ZSCAN1: variants seen among roughly 807,000 people sequenced by gnomAD.
ZSCAN1 encodes the protein zinc finger and SCAN domain-containing protein 1.
ZSCAN1 carries 23 observed loss-of-function variants against 23.8 expected under a neutral mutation model. The ratio of observed to expected loss-of-function variants is 0.97; its 90% CI spans 0.70 to 1.37. ZSCAN1 has a LOEUF of 1.37. ZSCAN1 is among the 40% of genes most tolerant of loss of function. ZSCAN1 has a pLI of 0.00. For missense variants in ZSCAN1, 575 were observed against 554.0 expected (o/e 1.04, Z -0.38); for synonymous variants, 236 against 232.3 (o/e 1.02, Z -0.15).
At chr19:58,046,673 C>T in intron 4 of ZSCAN1, 2 of 879,774 alleles carry the variant, frequency 2.3e-6, no homozygotes, top group South Asian at 1.3e-5. Context: ...CACGTCTCCA[C>T]CAGTCAGGTG....
At chr19:58,050,645 C>T (rs1039363266) in intron 4 of ZSCAN1, among the ~76,000 whole-genome samples, 9 of 151,464 alleles carry the variant, frequency 5.9e-5, no homozygotes, top group East Asian at 2.0e-4. Context: ...CTCAGCCTCC[C>T]GAGTAGCTGG....
At chr19:58,039,562 T>A (rs1380318106) in intron 3 of ZSCAN1, among the ~76,000 whole-genome samples, 1 of 151,286 alleles carries the variant, frequency 6.6e-6, no homozygotes, top group East Asian at 1.9e-4. Context: ...AAGGCAGGAG[T>A]TCGAGACTAG....
In ZSCAN1 at chr19:58,045,721, G is replaced by T. The variant is rs1012023378; in HGVS notation, c.465+5177G>T. 1 of 1,076,922 alleles carries T rather than the reference G, an allele frequency of 9.3e-7. No individual in the cohort carries two copies. The highest frequency in any genetic ancestry group is 1.4e-6 in the Non-Finnish European group (1 of 693,144). 66.7% of individuals were successfully genotyped at this position (1,076,922 alleles called of 1,614,324 possible). On this transcript the variant is annotated intron_variant, in intron 4 of 5. Coordinates refer to ENST00000282326, the MANE Select transcript of ZSCAN1 (RefSeq NM_182572.4). The surrounding 1 kb of genome is among the most constrained non-coding windows in gnomAD (Gnocchi z 4.3). ...GGCATGTCGGGCACGAGGCATGCGG[G>T]CCCTGGGCGTCAGGGAAAACCACCT...
Position 58,053,421 on chromosome 19 carries a change from C to T in ZSCAN1, c.605-8C>T. On this transcript the variant is annotated splice_polypyrimidine_tract_variant and splice_region_variant and intron_variant, in intron 5 of 5. Transcript: ENST00000282326. The surrounding 1 kb of genome is among the most constrained non-coding windows in gnomAD (Gnocchi z 5.8). Reference sequence around the variant, plus strand: ...CTACAGGTGACCCATCTCCCTCGCCCTCCACAGGGTCCCGGGCCCGCTTGC... The same window carrying T: ...CTACAGGTGACCCATCTCCCTCGCCTTCCACAGGGTCCCGGGCCCGCTTGC... 1 of 1,603,606 alleles carries T rather than the reference C, an allele frequency of 6.2e-7. No individual in the cohort carries two copies. The highest frequency in any genetic ancestry group is 8.5e-7 in the Non-Finnish European group (1 of 1,172,838).
At position 58,053,303 on chromosome 19, in the gene ZSCAN1, G is replaced by A. The variant is rs371073402; in HGVS notation, c.605-126G>A. 37 of 1,216,222 alleles carry A rather than the reference G, an allele frequency of 3.0e-5. No homozygotes were observed. Among genetic ancestry groups the A allele is most frequent in the Admixed American group, 2.1e-4 (9 of 43,784 alleles). The allele number at this position is 1,216,222 out of a possible 1,614,324, so 75.3% of individuals were successfully genotyped here. A position where few individuals can be genotyped will look rare whatever the true frequency, so the allele number is the denominator to read the frequency against. On this transcript the variant is annotated intron_variant, in intron 5 of 5. Coordinates refer to ENST00000282326, the MANE Select transcript of ZSCAN1 (RefSeq NM_182572.4). The surrounding 1 kb of genome is among the most constrained non-coding windows in gnomAD (Gnocchi z 5.8). ...GGACAGAACGGAGGACACAGGGGCC[G>A]TATTGAGCAGAGGAAGGGCCTGGAC...
chr19:58,043,976 TTC>T (rs1027219098), intron 4 of ZSCAN1, among the ~76,000 whole-genome samples: 2 of 151,800 alleles, frequency 1.3e-5, no homozygotes, highest in Admixed American at 6.5e-5. Context: ...GTAAAAAACT[TTC>T]TGACTCTTGG....
chr19:58,044,069 G>A (rs2073807568), intron 4 of ZSCAN1, among the ~76,000 whole-genome samples: 1 of 151,902 alleles, frequency 6.6e-6, no homozygotes, highest in African/African-American at 2.4e-5. Context: ...TCAGGCCTTC[G>A]AGACCAGCGT....
intron 4 of ZSCAN1, among the ~76,000 whole-genome samples, chr19:58,042,450 G>A (rs999517815): frequency 6.6e-6 from 1 of 151,952 alleles, no homozygotes; most frequent in Non-Finnish European, 1.5e-5. Context: ...AGTAGAGACG[G>A]GGTTTCACCG....
At chr19:58,051,502 G>A (rs2073858565) in intron 4 of ZSCAN1, among the ~76,000 whole-genome samples, 1 of 134,956 alleles carries the variant, frequency 7.4e-6, no homozygotes, top group Non-Finnish European at 1.6e-5. Context: ...CTCTAGCCCA[G>A]CAATCCCTCT....
chr19:58,050,589 C>T (rs2073852987), intron 4 of ZSCAN1, among the ~76,000 whole-genome samples: 1 of 151,988 alleles, frequency 6.6e-6, no homozygotes, highest in East Asian at 2.0e-4. Flanking sequence ...GGTGCAATCT[C>T]AGCTCACTGC....
chr19:58,052,379 C>T, intron 4 of ZSCAN1, 111 bp from the exon 5 acceptor site: 1 of 1,555,690 alleles, frequency 6.4e-7, no homozygotes, highest in East Asian at 2.3e-5. Flanking sequence ...CCGCGCACTG[C>T]CCTGGGACAG....
chr19:58,055,798 G>A (rs988176661), downstream of ZSCAN1, among the ~76,000 whole-genome samples: 12 of 152,332 alleles, frequency 7.9e-5, no homozygotes, highest in African/African-American at 2.6e-4. Flanking sequence ...GAAAGTGGGT[G>A]CCATTGAACA....
chr19:58,038,177 A>G lies in ZSCAN1; in HGVS notation c.341A>G (p.Glu114Gly). ...TGCAGGGAGGCCGCCAGCCTGGTGGAGGACCTCACACAGATGTGCCAGCAG... is the reference window on the plus strand; with the variant it reads ...TGCAGGGAGGCCGCCAGCCTGGTGGGGGACCTCACACAGATGTGCCAGCAG... ...RSCREAASLV[E>G]DLTQMCQQEV... The change falls in exon 3 of 6, where the codon GAG becomes GGG. Residue 114 changes from glutamate (E) to glycine (G), a missense_variant. Physicochemically the swap from Glu to Gly is moderately conservative, Grantham distance 98. Coordinates refer to ENST00000282326, the MANE Select transcript of ZSCAN1 (RefSeq NM_182572.4). The G allele has an allele frequency of 6.2e-7, 1 of 1,607,668 alleles. No homozygotes were observed. Among genetic ancestry groups the G allele is most frequent in the Non-Finnish European group, 8.5e-7 (1 of 1,178,494 alleles).
chr19:58,045,124 G>T lies in ZSCAN1; in HGVS notation c.465+4580G>T, dbSNP rs2073816624. 3.2e-6 allele frequency: 4 copies of T among 1,248,802 alleles called. No individual in the cohort carries two copies. Among genetic ancestry groups the T allele is most frequent in the Non-Finnish European group, 4.7e-6 (4 of 851,434 alleles). The allele number at this position is 1,248,802 out of a possible 1,614,324, so 77.4% of individuals were successfully genotyped here. On this transcript the variant is annotated intron_variant, in intron 4 of 5. Coordinates refer to ENST00000282326, the MANE Select transcript of ZSCAN1 (RefSeq NM_182572.4). This position sits in a 1 kb window ranked among gnomAD's most constrained non-coding sequence, Gnocchi z 4.3. ...CGGATCCACACCAAGATCGCAGCAC[G>T]CATGCTCTGGCGCATCCTCAACTGC...
At position 58,044,484 on chromosome 19, in the gene ZSCAN1, G is replaced by C. The variant is rs537311002; in HGVS notation, c.465+3940G>C. 823 of 377,982 alleles carry C rather than the reference G, an allele frequency of 2.2e-3. 7 individuals are homozygous for C. The highest frequency in any genetic ancestry group is 0.012 in the African/African-American group (561 of 45,336). 23.4% of individuals were successfully genotyped at this position (377,982 alleles called of 1,614,324 possible). A position where few individuals can be genotyped will look rare whatever the true frequency, so the allele number is the denominator to read the frequency against. ...AACCGCTGCCGTCAACCGTCCGCAC[G>C]GACGGCGCCTGAGGAGCCACCGAGA... On this transcript the variant is annotated intron_variant, in intron 4 of 5. Transcript: ENST00000282326.
rs138498963 is a variant in ZSCAN1, at chr19:58,050,241, G to C, written c.466-2249G>C. Among the ~76,000 whole-genome samples, 1,384 of 151,940 alleles carry C rather than the reference G, an allele frequency of 9.1e-3. 19 individuals carry two copies. Among genetic ancestry groups the C allele is most frequent in the African/African-American group, 0.032 (1,317 of 41,444 alleles). On this transcript the variant is annotated intron_variant, in intron 4 of 5. Transcript: ENST00000282326. ...CTAGAGGTCAGGAGTTCAGGACCAGGCTGGCCAGCATGGTGAAGCCTCGTC... is the reference window on the plus strand; with the variant it reads ...CTAGAGGTCAGGAGTTCAGGACCAGCCTGGCCAGCATGGTGAAGCCTCGTC...
At chr19:58,037,037 T>C (rs1403851533) in intron 2 of ZSCAN1, among the ~76,000 whole-genome samples, 8 of 152,256 alleles carry the variant, frequency 5.3e-5, no homozygotes, top group Admixed American at 3.3e-4. Context: ...TTTCAGAGTC[T>C]CCAGTCTCCC....
chr19:58,038,328 A>C, intron 3 of ZSCAN1, 122 bp downstream of exon 3: 1 of 1,270,930 alleles, frequency 7.9e-7, no homozygotes, highest in Non-Finnish European at 1.1e-6. Context: ...CGACCAGCAA[A>C]CCTCTCCTGC....
At chr19:58,036,549 T>A (rs1416381136) in intron 2 of ZSCAN1, among the ~76,000 whole-genome samples, 1 of 144,416 alleles carries the variant, frequency 6.9e-6, no homozygotes, top group African/African-American at 2.6e-5. Context: ...AGAGTCTTAC[T>A]CTGTCGCTCA....
Sources: allele counts gnomAD v4.1 joint callset (sites outside exome capture counted in the v4.1 genomes callset), GRCh38; gene constraint gnomAD v4.1.1; non-coding constraint Gnocchi (gnomAD v3.1); transcripts MANE v1.5; gene names NCBI Gene and HGNC (gene_info 2026-07-23, HGNC 2026-07-21).